ALK: variants seen among roughly 807,000 people sequenced by gnomAD.
The protein encoded by ALK is ALK receptor tyrosine kinase.
In ALK, 74 loss-of-function variants were observed where a neutral mutation model predicts 163.1. That is an observed-to-expected ratio of 0.45 (90% CI 0.38 to 0.55). ALK has a LOEUF of 0.55. Ranked by LOEUF, ALK falls within the 20% of genes least tolerant of loss-of-function variation. The probability of loss-of-function intolerance (pLI) is 0.00; values close to 1 mark genes in which losing one functional copy is unlikely to be tolerated. For missense variants in ALK, 2,063 were observed against 2,105.3 expected, an observed-to-expected ratio of 0.98 and a Z score of 0.39; for synonymous variants, 960 against 843.2, an observed-to-expected ratio of 1.14 and a Z score of -2.40.
At chr2:29,594,797 G>C (rs1368972748) in intron 3 of ALK, among the ~76,000 whole-genome samples, 2 of 149,576 alleles carry the variant, frequency 1.3e-5, no homozygotes, top group East Asian at 4.0e-4. Flanking sequence ...AATGGGTATA[G>C]TGTGGCTATA....
At chr2:29,826,253 G>A (rs1665194380) in intron 1 of ALK, among the ~76,000 whole-genome samples, 1 of 115,134 alleles carries the variant, frequency 8.7e-6, no homozygotes, top group Admixed American at 1.1e-4. Flanking sequence ...AACTATTACA[G>A]AAAAAGAAAG....
intron 1 of ALK, among the ~76,000 whole-genome samples, chr2:29,786,472 GCAAT>G (rs1664027354): frequency 6.6e-6 from 1 of 152,222 alleles, no homozygotes; most frequent in Non-Finnish European, 1.5e-5. Context: ...GGCATCCGCA[GCAAT>G]CAATGTTATA....
At chr2:29,752,920 T>C (rs1680414294) in intron 1 of ALK, among the ~76,000 whole-genome samples, 2 of 152,302 alleles carry the variant, frequency 1.3e-5, no homozygotes, top group South Asian at 2.1e-4. Flanking sequence ...CCTGGATTGA[T>C]GCCTACACTC....
At chr2:29,200,702 TAAAATCAA>T (rs1285320075) in intron 26 of ALK, among the ~76,000 whole-genome samples, 2 of 149,536 alleles carry the variant, frequency 1.3e-5, no homozygotes, top group Admixed American at 1.3e-4. Context: ...CCAGAGCATT[TAAAATCAA>T]ATATACATAC....
intron 3 of ALK, among the ~76,000 whole-genome samples, chr2:29,664,063 G>T (rs1451213935): frequency 6.6e-6 from 1 of 152,128 alleles, no homozygotes; most frequent in African/African-American, 2.4e-5. Context: ...AGCTTTCCCA[G>T]TTCTTCCCAG....
At position 29,212,863 on chromosome 2, in the gene ALK, G is replaced by A. The variant is rs564999549; in HGVS notation, c.3743+1121C>T. 2.6e-5 allele frequency among the ~76,000 whole-genome samples: 4 copies of A among 151,952 alleles called. No individual in the cohort carries two copies. In the South Asian group the frequency reaches 6.2e-4, roughly 24 times the overall value. On this transcript the variant is annotated intron_variant, in intron 24 of 28. Transcript: ENST00000389048. ...TGGGATTATAGGCGTCCCCCACCAT[G>A]CCTGGCTAATTTTGTATTTTTAGTA...
rs201429382 is a variant in ALK, at chr2:29,197,710, T to C, written c.3939-34A>G. ...GGGACAGAGGACATGGAGATGGATA[T>C]AGACACACCCACCCACATTCACACA... On this transcript the variant is annotated intron_variant, in intron 26 of 28. Transcript: ENST00000389048. The C allele has an allele frequency of 1.9e-4, 300 of 1,566,606 alleles. 1 individual carries two copies. The highest frequency in any genetic ancestry group is 2.4e-4 in the Non-Finnish European group (269 of 1,137,542).
chr2:29,213,782 G>T (rs897476826), intron 24 of ALK, among the ~76,000 whole-genome samples: 6 of 152,078 alleles, frequency 3.9e-5, no homozygotes, highest in Admixed American at 2.6e-4. Context: ...CCAGAAATTC[G>T]AGACCAGCCT....
At chr2:29,436,106 T>A (rs1265161535) in intron 4 of ALK, among the ~76,000 whole-genome samples, 1 of 152,168 alleles carries the variant, frequency 6.6e-6, no homozygotes, top group African/African-American at 2.4e-5. Context: ...ATTTTAAGAT[T>A]TGGGTCTTTA....
At chr2:29,383,463 C>T (rs1467589403) in intron 5 of ALK, among the ~76,000 whole-genome samples, 1 of 152,090 alleles carries the variant, frequency 6.6e-6, no homozygotes. Context: ...ATTACAGACG[C>T]ACATCACCAC....
chr2:29,876,617 T>G (rs371246267), intron 1 of ALK, among the ~76,000 whole-genome samples: 7 of 151,664 alleles, frequency 4.6e-5, no homozygotes, highest in African/African-American at 1.2e-4. Context: ...GCAATAATGC[T>G]GATGGTGGTG....
chr2:29,588,729 G>A (rs927396316), intron 3 of ALK, among the ~76,000 whole-genome samples: 1 of 152,192 alleles, frequency 6.6e-6, no homozygotes, highest in Non-Finnish European at 1.5e-5. Flanking sequence ...CAATATGTAA[G>A]CAAATGAGTT....
At chr2:29,893,655 T>C (rs1667201991) in intron 1 of ALK, among the ~76,000 whole-genome samples, 1 of 152,180 alleles carries the variant, frequency 6.6e-6, no homozygotes, top group Non-Finnish European at 1.5e-5. Context: ...TATACAATCC[T>C]GCCTCTAATA....
intron 1 of ALK, among the ~76,000 whole-genome samples, chr2:29,725,154 C>CAAAAAAAAAAAAAAAAAAAAAAAAAA (rs757959526): frequency 1.5e-5 from 1 of 67,396 alleles, no homozygotes; most frequent in Non-Finnish European, 2.6e-5. Context: ...TATCCTATAC[C>CAAAAAAAAAAAAAAAAAAAAAAAAAA]AAAAAAAAAA....
At chr2:29,869,082 A>T (rs1026988077) in intron 1 of ALK, among the ~76,000 whole-genome samples, 1 of 152,160 alleles carries the variant, frequency 6.6e-6, no homozygotes, top group East Asian at 1.9e-4. Context: ...ACCCCCAGCT[A>T]CTGAGTCTTC....
At chr2:29,879,148 A>G (rs1666795463) in intron 1 of ALK, among the ~76,000 whole-genome samples, 3 of 152,202 alleles carry the variant, frequency 2.0e-5, no homozygotes, top group Admixed American at 1.3e-4. Flanking sequence ...CTGTCCACAC[A>G]TAGCCTATGC....
intron 3 of ALK, among the ~76,000 whole-genome samples, chr2:29,544,042 T>C (rs1055632237): frequency 6.6e-6 from 1 of 152,220 alleles, no homozygotes; most frequent in African/African-American, 2.4e-5. Context: ...TAATTGTCCA[T>C]AGTACAATAA....
At chr2:29,367,339 A>T (rs894886370) in intron 5 of ALK, among the ~76,000 whole-genome samples, 1 of 152,226 alleles carries the variant, frequency 6.6e-6, no homozygotes, top group African/African-American at 2.4e-5. Context: ...GAAACAACAG[A>T]ATAGGAGGTT....
chr2:29,444,442 T>C (rs930485418), intron 4 of ALK, among the ~76,000 whole-genome samples: 1 of 152,108 alleles, frequency 6.6e-6, no homozygotes, highest in Non-Finnish European at 1.5e-5. Flanking sequence ...GGAAGCTCTT[T>C]TGCAAATGAA....
Sources: gnomAD v4.1 joint callset for allele counts (sites outside exome capture counted in the v4.1 genomes callset) on GRCh38, gnomAD v4.1.1 for gene constraint, MANE v1.5 for transcripts, NCBI Gene and HGNC (gene_info 2026-07-23, HGNC 2026-07-21) for gene names.